GBF1: variants seen among roughly 807,000 people sequenced by gnomAD.
GBF1 encodes the protein golgi brefeldin A resistant guanine nucleotide exchange factor 1.
A neutral mutation model predicts 210.5 loss-of-function variants in GBF1; 114 were observed. That is an observed-to-expected ratio of 0.54 (90% CI 0.47 to 0.63). The LOEUF is 0.63. Ranked by LOEUF, GBF1 falls within the 30% of genes least tolerant of loss-of-function variation. GBF1 has a pLI of 0.00. For synonymous variants in GBF1, 850 were observed against 889.2 expected (o/e 0.96, Z 0.78); for missense variants, 1,851 against 2,357.7 (o/e 0.79, Z 4.45).
chr10:102,302,290 G>C (rs1159668753), intron 3 of GBF1, among the ~76,000 whole-genome samples: 2 of 152,092 alleles, frequency 1.3e-5, no homozygotes, highest in African/African-American at 2.4e-5. Context: ...GGAGAGGTTA[G>C]TATTTTCAAA....
chr10:102,358,434 A>G, intron 9 of GBF1, 72 bp from the exon 10 acceptor site: 1 of 1,046,848 alleles, frequency 9.6e-7, no homozygotes, highest in Non-Finnish European at 1.5e-6. Context: ...CAGAGACCCT[A>G]GTACCATAGA....
chr10:102,285,298 C>T (rs1400861148), intron 3 of GBF1, among the ~76,000 whole-genome samples: 1 of 152,222 alleles, frequency 6.6e-6, no homozygotes, highest in East Asian at 1.9e-4. Flanking sequence ...GTCTTGCTGA[C>T]TATACAGGTA....
At position 102,361,827 on chromosome 10, in the gene GBF1, G is replaced by A. The variant is rs778898074; in HGVS notation, c.1601G>A (p.Ser534Asn). 6.2e-7 allele frequency: 1 copy of A among 1,613,868 alleles called. No homozygotes were observed. The highest frequency in any genetic ancestry group is 8.5e-7 in the Non-Finnish European group (1 of 1,179,886). The change falls in exon 14 of 40, where the codon AGC becomes AAC. Residue 534 changes from serine to asparagine, a missense_variant. By Grantham distance (46) the Ser-to-Asn change is conservative. Transcript: ENST00000369983. ...ATTGTGCAGCTCTGGCGCATCCCCA[G>A]CTTTGTCACAGAGCTCTACATCAAC... ...EAIVQLWRIP[S>N]FVTELYINYD... is the part of the protein sequence containing the mutation.
intron 1 of GBF1, among the ~76,000 whole-genome samples, chr10:102,257,646 T>C (rs2072590868): frequency 6.6e-6 from 1 of 152,158 alleles, no homozygotes; most frequent in Non-Finnish European, 1.5e-5. Flanking sequence ...ATTGCAACTG[T>C]GGTTCTAAAC....
At chr10:102,352,031 G>A in intron 6 of GBF1, 80 bp downstream of exon 6, 1 of 828,252 alleles carries the variant, frequency 1.2e-6, no homozygotes, top group South Asian at 1.4e-5. Flanking sequence ...TCTTCCCAGA[G>A]AGATGGAAAA....
chr10:102,320,588 G>A (rs1404530660), intron 3 of GBF1, among the ~76,000 whole-genome samples: 1 of 151,482 alleles, frequency 6.6e-6, no homozygotes, highest in Non-Finnish European at 1.5e-5. Context: ...TTTCTTATTG[G>A]TACTTCCTTC....
At chr10:102,296,762 A>G (rs891425932) in intron 3 of GBF1, among the ~76,000 whole-genome samples, 7 of 151,568 alleles carry the variant, frequency 4.6e-5, no homozygotes, top group Non-Finnish European at 1.0e-4. Context: ...AAAGAATTGT[A>G]GGCCAGGCAC....
intron 3 of GBF1, among the ~76,000 whole-genome samples, chr10:102,303,024 G>GT (rs1183300773): frequency 7.8e-6 from 1 of 128,196 alleles, no homozygotes; most frequent in Non-Finnish European, 1.6e-5. Flanking sequence ...GTCTCACTCT[G>GT]TTGCCCAGGC....
rs374140640 is a variant in GBF1, at chr10:102,370,528, A to T, written c.3506+50A>T. 71 of 1,462,516 alleles carry T rather than the reference A, an allele frequency of 4.9e-5. No individual in the cohort carries two copies. In the African/African-American group the frequency reaches 9.7e-4, roughly 20 times the overall value. 90.6% of individuals were successfully genotyped at this position (1,462,516 alleles called of 1,614,324 possible). ...AGACCCCATGCTGGGCTTGTGCCAA[A>T]GGGATGGAAGCCATCTTGCTGAGTG... is the stretch of plus-strand genomic sequence containing the variant. On this transcript the variant is annotated intron_variant, in intron 28 of 39. Transcript: ENST00000369983.
Position 102,362,493 on chromosome 10 carries a change from G to A in GBF1, c.1705G>A (p.Gly569Ser), listed in dbSNP as rs373158321. The change falls in exon 15 of 40, where the codon GGT becomes AGT. Residue 569 changes from glycine (G) to serine (S), a missense_variant. By Grantham distance (56) the Gly-to-Ser change is moderately conservative. Coordinates refer to ENST00000369983, the MANE Select transcript of GBF1 (RefSeq NM_001377137.1). ...LLSKNAFPVS[G>S]QLYTTHLLSL... ...TTTCCAGAATGCCTTCCCTGTGTCT[G>A]GTCAACTCTATACAACACACCTACT... 2.8e-5 allele frequency: 45 copies of A among 1,611,996 alleles called. No individual in the cohort carries two copies. Among genetic ancestry groups the A allele is most frequent in the Non-Finnish European group, 3.6e-5 (42 of 1,178,318 alleles).
intron 3 of GBF1, among the ~76,000 whole-genome samples, chr10:102,315,929 A>G (rs1024413899): frequency 2.0e-5 from 3 of 152,150 alleles, no homozygotes; most frequent in African/African-American, 7.2e-5. Context: ...TAGAAGTTCT[A>G]AGAAGGAAGA....
chr10:102,231,137 G>A, the GBF1 span: 1 of 1,483,254 alleles, frequency 6.7e-7, no homozygotes, highest in South Asian at 1.4e-5. Flanking sequence ...AGGGCCCGGG[G>A]CCGGGTCCCA....
intron 3 of GBF1, among the ~76,000 whole-genome samples, chr10:102,282,852 G>A (rs7902537): frequency 0.054 from 8,295 of 152,222 alleles, 479 homozygotes; most frequent in African/African-American, 0.15. Flanking sequence ...TTGGAGTAAG[G>A]AGATTCACAG....
chr10:102,308,122 T>A (rs2078074601), intron 3 of GBF1, among the ~76,000 whole-genome samples: 1 of 148,316 alleles, frequency 6.7e-6, no homozygotes, highest in African/African-American at 2.5e-5. Context: ...TTTCTAAGAA[T>A]ATGCCCAGCA....
chr10:102,370,927 G>T, intron 29 of GBF1, 67 bp downstream of exon 29: 1 of 1,434,042 alleles, frequency 7.0e-7, no homozygotes. Context: ...TGTCAATTAT[G>T]AATATGGCCT....
At chr10:102,330,345 T>C (rs993366196) in intron 3 of GBF1, among the ~76,000 whole-genome samples, 6 of 152,012 alleles carry the variant, frequency 3.9e-5, no homozygotes, top group African/African-American at 1.2e-4. Context: ...CCCAGAGTTA[T>C]TGGGAGGATA....
chr10:102,380,426 C>T, intron 37 of GBF1, 64 bp downstream of exon 37: 1 of 1,578,734 alleles, frequency 6.3e-7, no homozygotes, highest in South Asian at 1.1e-5. Flanking sequence ...CTTGCCCTTT[C>T]CCCCTTGGTA....
intron 8 of GBF1, among the ~76,000 whole-genome samples, chr10:102,354,936 G>A (rs1306496025): frequency 7.0e-6 from 1 of 143,850 alleles, no homozygotes; most frequent in Admixed American, 7.0e-5. Context: ...TTTTTTCTTG[G>A]TTACCATTAA....
At chr10:102,326,186 G>A (rs777495135) in intron 3 of GBF1, among the ~76,000 whole-genome samples, 7 of 152,198 alleles carry the variant, frequency 4.6e-5, no homozygotes, top group Non-Finnish European at 8.8e-5. Flanking sequence ...GGCCTAGTAT[G>A]CAAGTTTACG....
Sources: allele counts gnomAD v4.1 joint callset (sites outside exome capture counted in the v4.1 genomes callset), GRCh38; gene constraint gnomAD v4.1.1; transcripts MANE v1.5; gene names NCBI Gene and HGNC (gene_info 2026-07-23, HGNC 2026-07-21).